The following CLYBL variants were observed in gnomAD, a reference collection of about 807,000 sequenced individuals.
The protein encoded by CLYBL is citramalyl-CoA lyase.
CLYBL carries 31 observed loss-of-function variants against 38.9 expected under a neutral mutation model. That is an observed-to-expected ratio of 0.80 (90% confidence interval 0.60 to 1.08). The LOEUF is 1.08. Among genes scored for constraint, CLYBL ranks in the 50% least tolerant of loss-of-function variants. The probability of loss-of-function intolerance (pLI) is 0.00; values close to 1 mark genes in which losing one functional copy is unlikely to be tolerated. For missense variants in CLYBL, 434 were observed against 411.6 expected (o/e 1.05, Z -0.47); for synonymous variants, 171 against 158.6 (o/e 1.08, Z -0.59).
intron 4 of CLYBL, among the ~76,000 whole-genome samples, 197 bp downstream of exon 4, chr13:99,863,289 T>C (rs1477019518): frequency 6.6e-6 from 1 of 152,182 alleles, no homozygotes; most frequent in African/African-American, 2.4e-5. Context: ...TGAAATCAGT[T>C]AGGTAGAAGG....
rs969385535 is a variant in CLYBL, at chr13:99,791,678, G to C, written c.249+18668G>C. 2.6e-5 allele frequency among the ~76,000 whole-genome samples: 4 copies of C among 152,182 alleles called. 1 individual carries two copies. The highest frequency in any genetic ancestry group is 4.8e-5 in the African/African-American group (2 of 41,454). ...ATTAGATTAAAGGGGCCTGACATTT[G>C]TGAAGTGCTGAGAGCTGTGCCCAGC... On this transcript the variant is annotated intron_variant, in intron 2 of 8. Transcript: ENST00000339105.
At chr13:99,796,514 T>C (rs1285065090) in intron 2 of CLYBL, among the ~76,000 whole-genome samples, 1 of 152,168 alleles carries the variant, frequency 6.6e-6, no homozygotes, top group East Asian at 1.9e-4. Context: ...TTCATGTTCA[T>C]AGCAATTCTA....
chr13:99,885,194 C>T, intron 7 of CLYBL: 1 of 443,018 alleles, frequency 2.3e-6, no homozygotes, highest in Non-Finnish European at 4.6e-6. Flanking sequence ...GATGGGAACA[C>T]AGGCTATACA....
At chr13:99,892,714 A>G (rs2052516994), downstream of CLYBL, 1 of 152,422 alleles carries the variant, frequency 6.6e-6, no homozygotes, top group Admixed American at 6.5e-5. Context: ...TAAATTTGTA[A>G]ATAGAAAACA....
chr13:99,733,599 C>T (rs1420379897), intron 1 of CLYBL, among the ~76,000 whole-genome samples: 1 of 152,230 alleles, frequency 6.6e-6, no homozygotes, highest in Non-Finnish European at 1.5e-5. Flanking sequence ...TTCCGCCCAT[C>T]GACTACCCCT....
intron 2 of CLYBL, among the ~76,000 whole-genome samples, chr13:99,842,928 GA>G (rs74909000): frequency 1.7e-3 from 263 of 150,804 alleles, no homozygotes; most frequent in African/African-American, 6.0e-3. Flanking sequence ...TTTGCGGGGG[GA>G]AAAAAAGGCA....
intron 1 of CLYBL, among the ~76,000 whole-genome samples, chr13:99,754,027 C>T (rs1356098986): frequency 7.7e-6 from 1 of 129,414 alleles, no homozygotes; most frequent in Non-Finnish European, 1.6e-5. Context: ...GCAGAGGTTG[C>T]AGTGAGCCAA....
intron 1 of CLYBL, chr13:99,726,746 T>A (rs570151458): frequency 6.6e-6 from 1 of 151,912 alleles, no homozygotes; most frequent in Admixed American, 6.6e-5. Flanking sequence ...AAGGCAGTAG[T>A]GTCTGTAGGG....
At chr13:99,695,605 C>T (rs966298356) in intron 1 of CLYBL, among the ~76,000 whole-genome samples, 10 of 151,972 alleles carry the variant, frequency 6.6e-5, no homozygotes, top group Admixed American at 4.6e-4. Context: ...CTGCAACCTC[C>T]GCCTCCCGAG....
Position 99,853,782 on chromosome 13 carries a change from A to G in CLYBL, c.250-5079A>G, listed in dbSNP as rs1594224212. Among the ~76,000 whole-genome samples, 4 of 152,336 alleles carry G rather than the reference A, an allele frequency of 2.6e-5. No individual in the cohort carries two copies. In the South Asian group the frequency reaches 8.3e-4, roughly 32 times the overall value. ...CTAAGCAATGCTGTTTTTAAATACA[A>G]ATTGATAAAAAGTTATATGAAAAAG... On this transcript the variant is annotated intron_variant, in intron 2 of 8. Coordinates refer to ENST00000339105, the MANE Select transcript of CLYBL (RefSeq NM_206808.5).
At chr13:99,856,050 A>T (rs911301824) in intron 2 of CLYBL, among the ~76,000 whole-genome samples, 1 of 152,240 alleles carries the variant, frequency 6.6e-6, no homozygotes, top group African/African-American at 2.4e-5. Flanking sequence ...GCTCATTATT[A>T]TAATATGAAA....
chr13:99,672,922 T>G (rs2047588444), intron 1 of CLYBL, among the ~76,000 whole-genome samples: 1 of 152,176 alleles, frequency 6.6e-6, no homozygotes, highest in Non-Finnish European at 1.5e-5. Context: ...CATGGGATCT[T>G]CAGCAGTCCT....
intron 2 of CLYBL, among the ~76,000 whole-genome samples, chr13:99,785,570 A>G (rs2049772216): frequency 6.7e-6 from 1 of 150,254 alleles, no homozygotes; most frequent in South Asian, 2.1e-4. Context: ...GCTTATTCAT[A>G]TGCCATTTTC....
At chr13:99,746,895 C>G (rs1037334824) in intron 1 of CLYBL, among the ~76,000 whole-genome samples, 1 of 152,202 alleles carries the variant, frequency 6.6e-6, no homozygotes, top group Non-Finnish European at 1.5e-5. Flanking sequence ...TGAACAACAT[C>G]CTTTGACTCC....
chr13:99,658,680 T>G (rs918153092), intron 1 of CLYBL, among the ~76,000 whole-genome samples: 3 of 152,138 alleles, frequency 2.0e-5, no homozygotes, highest in African/African-American at 7.2e-5. Context: ...GCAGGTTCTC[T>G]GCGGAGTTTC....
At chr13:99,888,291 A>C (rs2052402109) in intron 7 of CLYBL, among the ~76,000 whole-genome samples, 1 of 145,258 alleles carries the variant, frequency 6.9e-6, no homozygotes. Flanking sequence ...TGCCACAACT[A>C]AAAAGAAAAA....
chr13:99,682,300 T>G (rs1486713942), intron 1 of CLYBL, among the ~76,000 whole-genome samples: 1 of 151,930 alleles, frequency 6.6e-6, no homozygotes, highest in Non-Finnish European at 1.5e-5. Flanking sequence ...CCTGCCACCA[T>G]GCCTGACTAA....
At chr13:99,783,885 T>A (rs1440030213) in intron 2 of CLYBL, 1 of 152,342 alleles carries the variant, frequency 6.6e-6, no homozygotes, top group African/African-American at 2.4e-5. Context: ...AACATAACAT[T>A]ATTGAGTGCT....
chr13:99,671,779 CAAAA>C (rs753315768), intron 1 of CLYBL, among the ~76,000 whole-genome samples: 1 of 88,730 alleles, frequency 1.1e-5, no homozygotes, highest in Non-Finnish European at 2.6e-5. Context: ...GACTCTTTCT[CAAAA>C]AAAAAAAAAA....
Sources: allele counts gnomAD v4.1 joint callset (sites outside exome capture counted in the v4.1 genomes callset), GRCh38; gene constraint gnomAD v4.1.1; transcripts MANE v1.5; gene names NCBI Gene and HGNC (gene_info 2026-07-23, HGNC 2026-07-21).